The following KAT6A variants were observed in gnomAD, a reference collection of about 807,000 sequenced individuals.
The protein encoded by KAT6A is lysine acetyltransferase 6A, also known as histone acetyltransferase KAT6A.
KAT6A carries 9 observed loss-of-function variants against 198.4 expected under a neutral mutation model. The ratio of observed to expected loss-of-function variants is 0.05; its 90% CI spans 0.03 to 0.08. The LOEUF is 0.08. KAT6A is among the 10% of genes least tolerant of loss of function. The pLI is 1.00. For missense variants in KAT6A, 2,077 were observed against 2,509.9 expected (o/e 0.83, Z 3.69); for synonymous variants, 890 against 883.0 (o/e 1.01, Z -0.14).
At chr8:41,964,070 T>C (rs1823339241) in intron 8 of KAT6A, among the ~76,000 whole-genome samples, 1 of 152,212 alleles carries the variant, frequency 6.6e-6, no homozygotes, top group Non-Finnish European at 1.5e-5. Context: ...GATGTCTTCC[T>C]GTTCATTCTC....
chr8:42,029,879 AT>A (rs1827019163), intron 2 of KAT6A, among the ~76,000 whole-genome samples: 1 of 152,046 alleles, frequency 6.6e-6, no homozygotes, highest in African/African-American at 2.4e-5. Context: ...ATTTCTTTAC[AT>A]TGTGTACCCT....
chr8:42,033,516 T>C (rs908678684), intron 2 of KAT6A, among the ~76,000 whole-genome samples: 2 of 152,216 alleles, frequency 1.3e-5, no homozygotes, highest in African/African-American at 4.8e-5. Flanking sequence ...GCATACAATG[T>C]TTTGCTTCTA....
intron 2 of KAT6A, among the ~76,000 whole-genome samples, chr8:42,002,090 TTC>T (rs1306863317): frequency 3.9e-5 from 6 of 152,176 alleles, no homozygotes; most frequent in African/African-American, 1.4e-4. Flanking sequence ...ACAAGCACTG[TTC>T]TATATGCTCT....
At chr8:41,980,777 TA>T (rs373121465) in intron 5 of KAT6A, 68 bp downstream of exon 5, 65 of 1,021,448 alleles carry the variant, frequency 6.4e-5, no homozygotes, top group Non-Finnish European at 9.3e-5. Flanking sequence ...TTTAACAAAG[TA>T]GATAAAATGT....
At chr8:42,026,657 T>C (rs1826829384) in intron 2 of KAT6A, among the ~76,000 whole-genome samples, 1 of 152,194 alleles carries the variant, frequency 6.6e-6, no homozygotes, top group Non-Finnish European at 1.5e-5. Context: ...GTTCTAAAAG[T>C]TTTTTTGTAG....
intron 2 of KAT6A, among the ~76,000 whole-genome samples, chr8:42,036,282 C>A (rs1827373834): frequency 6.6e-6 from 1 of 152,018 alleles, no homozygotes; most frequent in African/African-American, 2.4e-5. Context: ...TTGTAAGTGG[C>A]ATCCCACCAC....
At chr8:42,034,453 C>T (rs559157152) in intron 2 of KAT6A, among the ~76,000 whole-genome samples, 1 of 152,210 alleles carries the variant, frequency 6.6e-6, no homozygotes, top group African/African-American at 2.4e-5. Flanking sequence ...GAGCAACGCA[C>T]GGGAATGGGT....
intron 2 of KAT6A, among the ~76,000 whole-genome samples, chr8:42,036,277 A>G (rs1481071783): frequency 6.6e-6 from 1 of 152,088 alleles, no homozygotes; most frequent in East Asian, 1.9e-4. Flanking sequence ...CAAATTTGTA[A>G]GTGGCATCCC....
chr8:41,968,193 C>CA (rs1466155179), intron 8 of KAT6A, among the ~76,000 whole-genome samples: 1 of 152,086 alleles, frequency 6.6e-6, no homozygotes, highest in Non-Finnish European at 1.5e-5. Context: ...AGGCAACCCA[C>CA]AAAATGGGAC....
At position 41,974,709 on chromosome 8, in the gene KAT6A, G is replaced by A. The variant is rs61753684; in HGVS notation, c.1477C>T (p.Leu493=). The A allele has an allele frequency of 3.0e-3, 4,867 of 1,597,434 alleles. 15 individuals are homozygous for A. Among genetic ancestry groups the A allele is most frequent in the Non-Finnish European group, 3.8e-3 (4,483 of 1,167,240 alleles). ...ACCTGAATATCCAACTTTACCTGCAGTGCTTGTTCTTGGATATCACGAAAT... is the reference window on the plus strand; with the variant it reads ...ACCTGAATATCCAACTTTACCTGCAATGCTTGTTCTTGGATATCACGAAAT... The part of the protein sequence containing the change: ...ELFRDIQEQA[L]QKVGVTGPPD... Residue 493 remains leucine, a synonymous_variant, in exon 8 of 17, where the codon CTG becomes TTG. Coordinates refer to ENST00000265713, the MANE Select transcript of KAT6A (RefSeq NM_006766.5).
intron 14 of KAT6A, 92 bp downstream of exon 14, chr8:41,942,701 G>A: frequency 7.3e-7 from 1 of 1,368,550 alleles, no homozygotes; most frequent in South Asian, 1.4e-5. Context: ...TTACTTTTCT[G>A]TGAAAGATGA....
chr8:42,020,256 C>T (rs1261436361), intron 2 of KAT6A, among the ~76,000 whole-genome samples: 1 of 152,050 alleles, frequency 6.6e-6, no homozygotes, highest in Non-Finnish European at 1.5e-5. Flanking sequence ...ACTGTATGGC[C>T]CGCAAAGCCT....
rs1012647830 is a variant in KAT6A at position 42,024,304 on chromosome 8, G to A, written c.600+24074C>T. On this transcript the variant is annotated intron_variant, in intron 2 of 16. Transcript: ENST00000265713. Reference sequence around the variant, plus strand: ...TCACTAGGTGTAGAAACTGTTCAGCGCCACTGTAATAATTTTTAATATATT... The same window carrying A: ...TCACTAGGTGTAGAAACTGTTCAGCACCACTGTAATAATTTTTAATATATT... 5.3e-5 allele frequency among the ~76,000 whole-genome samples: 8 copies of A among 152,166 alleles called. No individual in the cohort carries two copies. In the South Asian group the frequency reaches 6.2e-4, roughly 12 times the overall value.
chr8:41,986,808 C>T (rs1442615437), intron 3 of KAT6A, among the ~76,000 whole-genome samples: 1 of 152,152 alleles, frequency 6.6e-6, no homozygotes, highest in Non-Finnish European at 1.5e-5. Context: ...GAGGCCAAGG[C>T]AGGCAGATCA....
At chr8:41,944,582 T>C (rs1822287208) in intron 12 of KAT6A, among the ~76,000 whole-genome samples, 1 of 151,954 alleles carries the variant, frequency 6.6e-6, no homozygotes, top group Admixed American at 6.6e-5. Context: ...GCAACGAAAA[T>C]GGAGATGGCA....
In KAT6A at chr8:42,048,527, T is replaced by C. The variant is rs137943524; in HGVS notation, c.451A>G (p.Ile151Val). Residue 151 changes from isoleucine (I) to valine (V), a missense_variant, in exon 2 of 17, where the codon ATC becomes GTC. Ile to Val is a conservative substitution (Grantham distance 29, BLOSUM62 3). Around this residue, in one of 13 missense-constraint regions of KAT6A, gnomAD observed 185 missense variants for 185.7 expected, o/e 1.00. Coordinates refer to ENST00000265713, the MANE Select transcript of KAT6A (RefSeq NM_006766.5). The stretch of plus-strand genomic sequence containing the variant: ...CTGCCGTGGCCAATGGCACGTTTGA[T>C]AGCCAATCGTAACTGCTGGTGAAAG... Reference protein sequence around the residue: ...SGFHQQLRLAIKRAIGHGRLL... With the variant: ...SGFHQQLRLAVKRAIGHGRLL... 3.7e-6 allele frequency: 6 copies of C among 1,614,184 alleles called. No individual in the cohort carries two copies. The highest frequency in any genetic ancestry group is 1.3e-5 in the African/African-American group (1 of 75,052).
chr8:41,946,031 CA>C (rs879614787), intron 12 of KAT6A, among the ~76,000 whole-genome samples: 16,127 of 88,148 alleles, frequency 0.18, 945 homozygotes, highest in East Asian at 0.32. Context: ...CTCTGTCTCT[CA>C]AAAAAAAAAA....
intron 8 of KAT6A, among the ~76,000 whole-genome samples, chr8:41,968,295 C>A (rs1229193762): frequency 7.2e-5 from 11 of 152,018 alleles, no homozygotes; most frequent in African/African-American, 1.2e-4. Flanking sequence ...ACAAACAACC[C>A]CATGAAAAAG....
At chr8:42,030,062 C>T (rs1018466485) in intron 2 of KAT6A, among the ~76,000 whole-genome samples, 1 of 152,094 alleles carries the variant, frequency 6.6e-6, no homozygotes, top group African/African-American at 2.4e-5. Flanking sequence ...CAGAGCACTA[C>T]GGATATGGAG....
Sources: gnomAD v4.1 joint callset for allele counts (sites outside exome capture counted in the v4.1 genomes callset) on GRCh38, gnomAD v4.1.1 for gene constraint, gnomAD v4.1.1 regional missense constraint, MANE v1.5 for transcripts, NCBI Gene and HGNC (gene_info 2026-07-23, HGNC 2026-07-21) for gene names.